Variants in ARHGAP26 observed in about 807,000 individuals in gnomAD.
ARHGAP26 encodes the protein rho GTPase-activating protein 26.
ARHGAP26 carries 38 observed loss-of-function variants against 104.8 expected under a neutral mutation model. The ratio of observed to expected loss-of-function variants is 0.36; its 90% confidence interval spans 0.28 to 0.48. The LOEUF (loss-of-function observed/expected upper bound fraction) is 0.48. ARHGAP26 is among the 20% of genes least tolerant of loss of function. The pLI is 0.99. For missense variants in ARHGAP26, 704 were observed against 947.9 expected, an observed-to-expected ratio of 0.74 and a Z score of 3.38; for synonymous variants, 341 against 340.0, an observed-to-expected ratio of 1.00 and a Z score of -0.03.
chr5:143,018,626 A>C (rs1361832018), intron 12 of ARHGAP26, among the ~76,000 whole-genome samples: 1 of 152,136 alleles, frequency 6.6e-6, no homozygotes, highest in Non-Finnish European at 1.5e-5. Context: ...TTGTAGTGCC[A>C]GTGTTCTTGC....
chr5:142,942,714 C>T (rs987984365), intron 11 of ARHGAP26, among the ~76,000 whole-genome samples: 1 of 152,178 alleles, frequency 6.6e-6, no homozygotes, highest in Admixed American at 6.5e-5. Context: ...AGGAATTATA[C>T]ATTGATTAGT....
rs75448826 is a variant in ARHGAP26 at position 142,910,348 on chromosome 5, T to C, written c.933+2544T>C. On this transcript the variant is annotated intron_variant, in intron 9 of 22. Transcript: ENST00000645722. ...CCCATGACGTCACTATTTCCTCAGCTTTAGGGTGAAGGAAATATGAGGACT... is the reference window on the plus strand; with the variant it reads ...CCCATGACGTCACTATTTCCTCAGCCTTAGGGTGAAGGAAATATGAGGACT... Among the ~76,000 whole-genome samples the C allele has an allele frequency of 3.8e-3, 585 of 152,318 alleles. 5 individuals carry two copies. Among genetic ancestry groups the C allele is most frequent in the African/African-American group, 0.013 (554 of 41,558 alleles).
At chr5:142,948,329 G>A (rs537576878) in intron 11 of ARHGAP26, among the ~76,000 whole-genome samples, 1 of 152,066 alleles carries the variant, frequency 6.6e-6, no homozygotes, top group Middle Eastern at 3.4e-3. Flanking sequence ...GTGTGCATGT[G>A]TGTATATATG....
intron 1 of ARHGAP26, among the ~76,000 whole-genome samples, chr5:142,828,453 G>C (rs1208917169): frequency 6.6e-6 from 1 of 151,964 alleles, no homozygotes; most frequent in Non-Finnish European, 1.5e-5. Flanking sequence ...GATCTTTCCT[G>C]GTCAATTCTA....
At chr5:143,086,584 C>G (rs1290264498) in intron 17 of ARHGAP26, among the ~76,000 whole-genome samples, 2 of 152,228 alleles carry the variant, frequency 1.3e-5, no homozygotes, top group Non-Finnish European at 2.9e-5. Flanking sequence ...ATCCTGGGTT[C>G]CTTTCACCTT....
At chr5:142,983,936 C>T (rs1405369434) in intron 11 of ARHGAP26, among the ~76,000 whole-genome samples, 1 of 152,076 alleles carries the variant, frequency 6.6e-6, no homozygotes, top group Non-Finnish European at 1.5e-5. Flanking sequence ...TTGCTGCAAA[C>T]AATTGAAAAT....
chr5:142,786,243 A>G (rs1758603668), intron 1 of ARHGAP26, among the ~76,000 whole-genome samples: 1 of 151,866 alleles, frequency 6.6e-6, no homozygotes, highest in Non-Finnish European at 1.5e-5. Context: ...TGGCCTCCCA[A>G]AGTGCTGGGA....
intron 17 of ARHGAP26, among the ~76,000 whole-genome samples, chr5:143,076,142 G>A (rs984015315): frequency 2.8e-4 from 41 of 147,358 alleles, no homozygotes; most frequent in African/African-American, 9.0e-4. Flanking sequence ...ACAGGTGTGC[G>A]CCACCAGACC....
intron 1 of ARHGAP26, among the ~76,000 whole-genome samples, chr5:142,869,358 C>A (rs1754916595): frequency 6.6e-6 from 1 of 151,312 alleles, no homozygotes; most frequent in South Asian, 2.1e-4. Context: ...CAGGTGCACA[C>A]CAGTACACCC....
intron 2 of ARHGAP26, among the ~76,000 whole-genome samples, chr5:142,874,150 A>T (rs572788115): frequency 2.0e-5 from 3 of 152,238 alleles, no homozygotes; most frequent in East Asian, 3.9e-4. Context: ...AAAGAGGCTG[A>T]GGTGGGTTAC....
rs147487764 is a variant in ARHGAP26 at position 143,182,733 on chromosome 5, C to G, written c.1989-24465C>G. ...TGGCTATAAAGACAAATCCCTTGCTCTATGTGTGTGGTGGCCTGGCCATGC... is the reference window on the plus strand; with the variant it reads ...TGGCTATAAAGACAAATCCCTTGCTGTATGTGTGTGGTGGCCTGGCCATGC... On this transcript the variant is annotated intron_variant, in intron 20 of 22. Coordinates refer to ENST00000645722, the MANE Select transcript of ARHGAP26 (RefSeq NM_001135608.3). 6.2e-3 allele frequency among the ~76,000 whole-genome samples: 943 copies of G among 152,316 alleles called. 8 individuals carry two copies. Among genetic ancestry groups the G allele is most frequent in the African/African-American group, 0.022 (909 of 41,566 alleles).
intron 11 of ARHGAP26, among the ~76,000 whole-genome samples, chr5:142,949,609 G>T (rs781131981): frequency 6.6e-6 from 1 of 152,134 alleles, no homozygotes; most frequent in Non-Finnish European, 1.5e-5. Context: ...CAGCTACCAT[G>T]TAGTTGACTT....
chr5:142,966,731 T>A (rs1418641565), intron 11 of ARHGAP26, among the ~76,000 whole-genome samples: 1 of 152,232 alleles, frequency 6.6e-6, no homozygotes, highest in Non-Finnish European at 1.5e-5. Context: ...TTTTTTCAAA[T>A]GTTTTATTTT....
Position 143,043,634 on chromosome 5 carries a change from G to A in ARHGAP26, c.1285+1744G>A, listed in dbSNP as rs1456453746. Among the ~76,000 whole-genome samples, 2 of 152,186 alleles carry A rather than the reference G, an allele frequency of 1.3e-5. 1 individual carries two copies. Among genetic ancestry groups the A allele is most frequent in the Non-Finnish European group, 2.9e-5 (2 of 68,040 alleles). On this transcript the variant is annotated intron_variant, in intron 14 of 22. Coordinates refer to ENST00000645722, the MANE Select transcript of ARHGAP26 (RefSeq NM_001135608.3). ...TTTCTAATATAAGGAAGAATTAAGA[G>A]TCTAATAGGTGTCAATCCTTAGTTT...
At chr5:142,875,081 C>T in intron 2 of ARHGAP26, 29 bp from the exon 3 acceptor site, 2 of 1,600,812 alleles carry the variant, frequency 1.2e-6, no homozygotes, top group Middle Eastern at 1.7e-4. Flanking sequence ...GACACTCCTT[C>T]CACCTCATGG....
At chr5:142,980,352 C>CTTTATTTTAT (rs35267021) in intron 11 of ARHGAP26, among the ~76,000 whole-genome samples, 19,503 of 131,312 alleles carry the variant, frequency 0.15, 2,000 homozygotes, top group East Asian at 0.4. Flanking sequence ...CTCTAGGAAC[C>CTTTATTTTAT]TTTATTTTAT....
At chr5:143,056,177 C>T in intron 16 of ARHGAP26, 91 bp downstream of exon 16, 1 of 1,068,066 alleles carries the variant, frequency 9.4e-7, no homozygotes, top group Non-Finnish European at 1.4e-6. Context: ...TATTACCTAA[C>T]CCTTCGTATT....
intron 17 of ARHGAP26, among the ~76,000 whole-genome samples, chr5:143,106,098 T>C (rs1793976624): frequency 6.6e-6 from 1 of 152,214 alleles, no homozygotes; most frequent in Non-Finnish European, 1.5e-5. Context: ...TTGTCTTGTT[T>C]CCCACCCTTA....
chr5:143,007,774 A>G lies in ARHGAP26; in HGVS notation c.1108-6306A>G, dbSNP rs115528776. 2.6e-3 allele frequency among the ~76,000 whole-genome samples: 394 copies of G among 152,110 alleles called. 1 individual carries two copies. The highest frequency in any genetic ancestry group is 9.2e-3 in the African/African-American group (381 of 41,500). ...ACGCTTAGTATGGTGTTTGGCACAT[A>G]ATTGATAGTGAAAAAGTGGTTGGTG... On this transcript the variant is annotated intron_variant, in intron 11 of 22. Transcript: ENST00000645722.
Sources: allele counts gnomAD v4.1 joint callset (sites outside exome capture counted in the v4.1 genomes callset), GRCh38; gene constraint gnomAD v4.1.1; transcripts MANE v1.5; gene names NCBI Gene and HGNC (gene_info 2026-07-23, HGNC 2026-07-21).